The following MACC1 variants were observed in gnomAD, a reference collection of about 807,000 sequenced individuals.
The protein encoded by MACC1 is metastasis-associated in colon cancer protein 1.
A neutral mutation model predicts 70.7 loss-of-function variants in MACC1; 79 were observed. That is an observed-to-expected ratio of 1.12 (90% confidence interval 0.93 to 1.35). The LOEUF (loss-of-function observed/expected upper bound fraction) is 1.35. Ranked by LOEUF, MACC1 falls within the 40% of genes most tolerant of loss-of-function variation. The pLI, the probability that MACC1 is intolerant of heterozygous loss-of-function variation, is 0.00. For missense variants in MACC1, 1,106 were observed against 978.1 expected (o/e 1.13, Z -1.74); for synonymous variants, 361 against 347.2 (o/e 1.04, Z -0.44).
At chr7:20,208,360 G>T (rs1437851397) in intron 1 of MACC1, among the ~76,000 whole-genome samples, 1 of 152,204 alleles carries the variant, frequency 6.6e-6, no homozygotes, top group South Asian at 2.1e-4. Context: ...ACGTCTTAGA[G>T]ACTTGCTGAA....
chr7:20,150,497 A>G (rs1195790061), intron 6 of MACC1: 6 of 152,256 alleles, frequency 3.9e-5, no homozygotes, highest in Non-Finnish European at 8.8e-5. Context: ...CAGGTTGTGA[A>G]TAGAAGATAC....
chr7:20,165,485 C>T (rs551504932), intron 2 of MACC1, among the ~76,000 whole-genome samples: 1 of 151,750 alleles, frequency 6.6e-6, no homozygotes. Flanking sequence ...CCTCACAGTA[C>T]CATCCTAAAT....
intron 3 of MACC1, among the ~76,000 whole-genome samples, chr7:20,163,777 G>A (rs926661826): frequency 6.6e-6 from 1 of 152,120 alleles, no homozygotes; most frequent in Non-Finnish European, 1.5e-5. Context: ...ATTAGCAAGT[G>A]AGCCACTGAC....
At chr7:20,212,492 CCT>C (rs1357082815) in intron 1 of MACC1, among the ~76,000 whole-genome samples, 1 of 152,102 alleles carries the variant, frequency 6.6e-6, no homozygotes. Context: ...CCTTCCCATC[CCT>C]GAGTACCTGA....
chr7:20,147,229 C>A (rs958603829), intron 6 of MACC1, among the ~76,000 whole-genome samples: 2 of 152,120 alleles, frequency 1.3e-5, no homozygotes, highest in East Asian at 1.9e-4. Flanking sequence ...CAATAAGACT[C>A]ATTAGAAAAT....
In MACC1 at chr7:20,138,152, C is replaced by CAAAAAAAAAAAAAAAAAAAA. The variant is rs535703374; in HGVS notation, c.*2774_*2793dup. ...TGGGCAACAGAGCCAGACTCTGGCT[C>CAAAAAAAAAAAAAAAAAAAA]AAAAAAAAAAAAAAAAAAAAAAAAA... is the stretch of plus-strand genomic sequence containing the variant. On this transcript the variant is annotated 3_prime_UTR_variant, in exon 7 of 7. Transcript: ENST00000400331. 2.1e-4 allele frequency: 14 copies of CAAAAAAAAAAAAAAAAAAAA among 67,880 alleles called. No homozygotes were observed. The highest frequency in any genetic ancestry group is 5.4e-4 in the African/African-American group (12 of 22,198). 4.2% of individuals were successfully genotyped at this position (67,880 alleles called of 1,614,324 possible).
At chr7:20,151,860 T>A (rs142099013) in intron 6 of MACC1, among the ~76,000 whole-genome samples, 50 of 152,254 alleles carry the variant, frequency 3.3e-4, no homozygotes, top group African/African-American at 1.2e-3. Context: ...TGCAACATAG[T>A]CACCATATTA....
intron 1 of MACC1, among the ~76,000 whole-genome samples, chr7:20,175,821 C>T (rs780301708): frequency 2.8e-4 from 42 of 152,128 alleles, no homozygotes; most frequent in Admixed American, 5.2e-4. Context: ...TGTTTGCTGA[C>T]GGTGAAGCTG....
chr7:20,137,508 T>C lies in MACC1; in HGVS notation c.*3438A>G, dbSNP rs187172819. Reference sequence around the variant, plus strand: ...GCTTATACAGAAAAATTATTATGTTTCAAGCTGGGCACTTAATTCAAATCT... The same window carrying C: ...GCTTATACAGAAAAATTATTATGTTCCAAGCTGGGCACTTAATTCAAATCT... On this transcript the variant is annotated 3_prime_UTR_variant, in exon 7 of 7. Coordinates refer to ENST00000400331, the MANE Select transcript of MACC1 (RefSeq NM_182762.4). 1 of 152,338 alleles carries C rather than the reference T, an allele frequency of 6.6e-6. No individual in the cohort carries two copies. The highest frequency in any genetic ancestry group is 1.5e-5 in the Non-Finnish European group (1 of 68,038). 9.4% of individuals were successfully genotyped at this position (152,338 alleles called of 1,614,324 possible).
At chr7:20,184,782 T>C (rs1429377346) in intron 1 of MACC1, among the ~76,000 whole-genome samples, 2 of 152,182 alleles carry the variant, frequency 1.3e-5, no homozygotes, top group Non-Finnish European at 2.9e-5. Context: ...TCCAGCAATA[T>C]TGATGAAACA....
At position 20,159,649 on chromosome 7, in the gene MACC1, G is replaced by A; in HGVS notation, c.712C>T (p.Gln238Ter). ...PESDITVHVP[Q>*]GHVAVGEFQE... ...AATTCTCCCACAGCCACATGACCTTGGGGCACATGAACAGTGATGTCTGAT... is the reference window on the plus strand; with the variant it reads ...AATTCTCCCACAGCCACATGACCTTAGGGCACATGAACAGTGATGTCTGAT... Residue 238 changes from glutamine (Q) to a stop codon, truncating the protein, a stop_gained, in exon 5 of 7, where the codon CAA becomes TAA. Coordinates refer to ENST00000400331, the MANE Select transcript of MACC1 (RefSeq NM_182762.4). LOFTEE classifies it high-confidence loss of function. 6.2e-7 allele frequency: 1 copy of A among 1,614,096 alleles called. No individual in the cohort carries two copies. The highest frequency in any genetic ancestry group is 1.7e-5 in the Admixed American group (1 of 59,992).
intron 1 of MACC1, among the ~76,000 whole-genome samples, chr7:20,213,542 G>A (rs191260341): frequency 6.6e-6 from 1 of 152,026 alleles, no homozygotes; most frequent in Non-Finnish European, 1.5e-5. Flanking sequence ...CCATAATGAT[G>A]GACTGGATAA....
Position 20,158,103 on chromosome 7 carries a change from G to A in MACC1, c.2157+101C>T, listed in dbSNP as rs141970169. 64 of 1,389,448 alleles carry A rather than the reference G, an allele frequency of 4.6e-5. 1 individual carries two copies. In the African/African-American group the frequency reaches 7.3e-4, roughly 16 times the overall value. The allele number at this position is 1,389,448 out of a possible 1,614,324, so 86.1% of individuals were successfully genotyped here. ...TGTCTTTAATGTATTTAAGACTGTT[G>A]AATTTTTAAACATTTCTCCTCTCAC... On this transcript the variant is annotated intron_variant, in intron 5 of 6. Coordinates refer to ENST00000400331, the MANE Select transcript of MACC1 (RefSeq NM_182762.4).
chr7:20,142,259 A>G (rs1013448315), intron 6 of MACC1, among the ~76,000 whole-genome samples: 3 of 152,214 alleles, frequency 2.0e-5, no homozygotes, highest in African/African-American at 7.2e-5. Flanking sequence ...GTCTAATTTT[A>G]AAGTTAAAAG....
At position 20,158,538 on chromosome 7, in the gene MACC1, A is replaced by C. The variant is rs1401891418; in HGVS notation, c.1823T>G (p.Leu608Arg). The C allele has an allele frequency of 6.2e-7, 1 of 1,614,016 alleles. No individual in the cohort carries two copies. ...CACCTTGACATTTTTGCAGTGTACAAGTCCAATCTTACCTCTGAGGACTCC... is the reference window on the plus strand; with the variant it reads ...CACCTTGACATTTTTGCAGTGTACACGTCCAATCTTACCTCTGAGGACTCC... ...YVGVLRGKIG[L>R]VHCKNVKVIS... is the part of the protein sequence containing the mutation. The change falls in exon 5 of 7, where the codon CTT (leucine) becomes CGT (arginine). Residue 608 changes from leucine (L) to arginine (R), a missense_variant. Coordinates refer to ENST00000400331, the MANE Select transcript of MACC1 (RefSeq NM_182762.4).
At position 20,159,128 on chromosome 7, in the gene MACC1, GTTTTT is replaced by G; in HGVS notation, c.1228_1232del (p.Lys410HisfsTer17). The G allele has an allele frequency of 6.2e-7, 1 of 1,613,846 alleles. No individual in the cohort carries two copies. Among genetic ancestry groups the G allele is most frequent in the Non-Finnish European group, 8.5e-7 (1 of 1,179,982 alleles). ...AGAGCTGAAACACAACTGGAGATAT[GTTTTT>G]TCCACCCTTCTTAATATCAGAAATT... On this transcript the variant is annotated frameshift_variant, in exon 5 of 7. Coordinates refer to ENST00000400331, the MANE Select transcript of MACC1 (RefSeq NM_182762.4). LOFTEE classifies it high-confidence loss of function.
chr7:20,171,010 T>A (rs1180419973), intron 1 of MACC1, among the ~76,000 whole-genome samples: 1 of 152,210 alleles, frequency 6.6e-6, no homozygotes, highest in Non-Finnish European at 1.5e-5. Context: ...TCACACTGTT[T>A]CCATTTGTTA....
intron 1 of MACC1, among the ~76,000 whole-genome samples, chr7:20,182,694 C>T (rs1782528891): frequency 6.6e-6 from 1 of 152,026 alleles, no homozygotes. Flanking sequence ...TGTAAGTTTC[C>T]CCCATAAAAC....
chr7:20,158,404 C>A lies in MACC1; in HGVS notation c.1957G>T (p.Val653Leu). Reference protein sequence around the residue: ...LKKLTYIYSVVLTLVSEKVYD... With the variant: ...LKKLTYIYSVLLTLVSEKVYD... ...ACTTTTTCTGACACCAAGGTTAATA[C>A]AACTGAGTAGATATAAGTCAATTTT... The change falls in exon 5 of 7, where the codon GTA becomes TTA. Residue 653 changes from valine (V) to leucine (L), a missense_variant. Coordinates refer to ENST00000400331, the MANE Select transcript of MACC1 (RefSeq NM_182762.4). The A allele has an allele frequency of 6.2e-7, 1 of 1,613,854 alleles. No homozygotes were observed. Among genetic ancestry groups the A allele is most frequent in the East Asian group, 2.2e-5 (1 of 44,860 alleles).
Sources: gnomAD v4.1 joint callset for allele counts (sites outside exome capture counted in the v4.1 genomes callset) on GRCh38, gnomAD v4.1.1 for gene constraint, MANE v1.5 for transcripts, NCBI Gene and HGNC (gene_info 2026-07-23, HGNC 2026-07-21) for gene names.